The following IL4I1 variants were observed in gnomAD, a reference collection of about 807,000 sequenced individuals.
IL4I1 encodes L-amino-acid oxidase.
In IL4I1, 24 loss-of-function variants were observed where a neutral mutation model predicts 29.7. That is an observed-to-expected ratio of 0.81 (90% confidence interval 0.59 to 1.14). IL4I1 has a LOEUF of 1.14. Among genes scored for constraint, IL4I1 ranks in the 50% most tolerant of loss-of-function variants. The pLI is 0.00. For synonymous variants in IL4I1, 371 were observed against 352.5 expected, an observed-to-expected ratio of 1.05 and a Z score of -0.59; for missense variants, 686 against 785.6, an observed-to-expected ratio of 0.87 and a Z score of 1.52.
intron 5 of IL4I1, among the ~76,000 whole-genome samples, chr19:49,892,094 T>G (rs1444518267): frequency 6.8e-6 from 1 of 147,574 alleles, no homozygotes; most frequent in African/African-American, 2.5e-5. Flanking sequence ...TTTTTTTTTT[T>G]TTTTTGAGAT....
intron 2 of IL4I1, among the ~76,000 whole-genome samples, chr19:49,910,077 C>G (rs2075424765): frequency 6.6e-6 from 1 of 152,008 alleles, no homozygotes; most frequent in Non-Finnish European, 1.5e-5. Context: ...GTACGAGGAG[C>G]CGGGGTGCTA....
intron 3 of IL4I1, among the ~76,000 whole-genome samples, chr19:49,903,824 T>C (rs1376870862): frequency 6.9e-6 from 1 of 144,684 alleles, no homozygotes; most frequent in East Asian, 2.0e-4. Context: ...CTGTTATATG[T>C]GCTGGGTTTT....
intron 2 of IL4I1, among the ~76,000 whole-genome samples, chr19:49,914,644 G>A (rs2075571454): frequency 6.7e-6 from 1 of 150,046 alleles, no homozygotes; most frequent in Non-Finnish European, 1.5e-5. Context: ...GTGAGAACCA[G>A]GGTTCTTTGC....
At chr19:49,901,719 T>C, upstream of IL4I1, 1 of 1,527,476 alleles carries the variant, frequency 6.5e-7, no homozygotes, top group East Asian at 2.5e-5. Context: ...GTTGGGCATG[T>C]GCGGAATCAA....
upstream of IL4I1, among the ~76,000 whole-genome samples, chr19:49,897,194 C>T (rs533919926): frequency 2.0e-5 from 3 of 152,334 alleles, no homozygotes; most frequent in South Asian, 2.1e-4. Flanking sequence ...TTTCTATCCT[C>T]CCCTGCACTC....
intron 2 of IL4I1, among the ~76,000 whole-genome samples, chr19:49,916,773 A>G (rs1262730201): frequency 5.9e-5 from 9 of 152,056 alleles, no homozygotes; most frequent in Non-Finnish European, 1.0e-4. Flanking sequence ...CAAAAACAAA[A>G]AAACAAAAAT....
chr19:49,901,460 T>A (rs996201728), upstream of IL4I1, among the ~76,000 whole-genome samples: 9 of 152,114 alleles, frequency 5.9e-5, no homozygotes, highest in African/African-American at 2.2e-4. Flanking sequence ...GGGGATGACC[T>A]GGGACCTGGG....
chr19:49,910,396 G>A (rs1213501210), intron 2 of IL4I1, among the ~76,000 whole-genome samples: 1 of 152,010 alleles, frequency 6.6e-6, no homozygotes, highest in Admixed American at 6.6e-5. Flanking sequence ...GTTGCTGAAG[G>A]CCCCCCAGGC....
chr19:49,890,928 T>TGGGGGGGGGGGGGGG, intron 7 of IL4I1, 43 bp downstream of exon 7: 14 of 633,148 alleles, frequency 2.2e-5, no homozygotes, highest in East Asian at 3.2e-5. Flanking sequence ...TTTCCCTGAT[T>TGGGGGGGGGGGGGGG]GCCCCCCGCC....
chr19:49,909,157 A>T, intron 2 of IL4I1: 1 of 1,613,364 alleles, frequency 6.2e-7, no homozygotes, highest in Non-Finnish European at 8.5e-7. Flanking sequence ...GGCTGGGCCC[A>T]GTGCTGGTGA....
Position 49,894,436 on chromosome 19 carries a change from G to A in IL4I1, c.399C>T (p.Leu133=), listed in dbSNP as rs762022953. The stretch of plus-strand genomic sequence containing the variant: ...CGTACTGGGTGAACTTGGTCAGGTT[G>A]AGCCCCAGGCCCTGGCAGAGCTTGT... ...ILHKLCQGLG[L]NLTKFTQYDK... is the part of the protein sequence containing the mutation. Residue 133 remains leucine, a synonymous_variant, in exon 5 of 8, where the codon CTC becomes CTT. Transcript: ENST00000391826. The A allele has an allele frequency of 1.2e-6, 2 of 1,614,174 alleles. No individual in the cohort carries two copies. Among genetic ancestry groups the A allele is most frequent in the East Asian group, 2.2e-5 (1 of 44,876 alleles).
intron 5 of IL4I1, among the ~76,000 whole-genome samples, chr19:49,892,925 G>A (rs2075158218): frequency 6.6e-6 from 1 of 152,168 alleles, no homozygotes; most frequent in Non-Finnish European, 1.5e-5. Flanking sequence ...CTTCCTGGAG[G>A]AGGGGACATT....
Position 49,894,227 on chromosome 19 carries a change from C to T in IL4I1, c.567+41G>A, listed in dbSNP as rs1187640455. The T allele has an allele frequency of 2.5e-6, 4 of 1,584,818 alleles. No homozygotes were observed. In the East Asian group the frequency reaches 9.2e-5, roughly 36 times the overall value. ...GGCCGGGGCGAGCTTAGGAGGAGGA[C>T]AGAGAAGTCAGGGCGGGAGGAGGGT... is the stretch of plus-strand genomic sequence containing the variant. On this transcript the variant is annotated intron_variant, in intron 5 of 7. Transcript: ENST00000391826.
At position 49,890,209 on chromosome 19, in the gene IL4I1, G is replaced by T; in HGVS notation, c.1165C>A (p.Arg389Ser). 6.5e-7 allele frequency: 1 copy of T among 1,548,656 alleles called. No homozygotes were observed. The change falls in exon 8 of 8, where the codon CGC becomes AGC. Residue 389 changes from arginine to serine, a missense_variant. Coordinates refer to ENST00000391826, the MANE Select transcript of IL4I1 (RefSeq NM_152899.2). ...PSRMIFYPPP[R>S]EGALLLASYT... ...GAGGCCAGCAGCAGCGCGCCCTCGC[G>T]CGGCGGCGGGTAGAAAATCATGCGC...
At position 49,890,079 on chromosome 19, in the gene IL4I1, C is replaced by G; in HGVS notation, c.1295G>C (p.Arg432Pro). The G allele has an allele frequency of 6.5e-7, 1 of 1,548,044 alleles. No individual in the cohort carries two copies. Among genetic ancestry groups the G allele is most frequent in the Non-Finnish European group, 8.7e-7 (1 of 1,146,882 alleles). ...GACGCCGGTGCCGTCCCAGAGCTGG[C>G]GCACGACAGGCCCGTGCAATGCCGC... is the stretch of plus-strand genomic sequence containing the variant. ...DVAALHGPVV[R>P]QLWDGTGVVK... The change falls in exon 8 of 8, where the codon CGC becomes CCC. Residue 432 changes from arginine to proline, a missense_variant. Coordinates refer to ENST00000391826, the MANE Select transcript of IL4I1 (RefSeq NM_152899.2).
intron 2 of IL4I1, among the ~76,000 whole-genome samples, chr19:49,924,776 C>T (rs1457757173): frequency 2.0e-5 from 3 of 152,206 alleles, no homozygotes; most frequent in Non-Finnish European, 4.4e-5. Context: ...AGGGTGCCAA[C>T]TGGCACCCAC....
At chr19:49,913,170 A>G (rs1485644539) in intron 2 of IL4I1, 2 of 152,434 alleles carry the variant, frequency 1.3e-5, no homozygotes, top group Non-Finnish European at 2.9e-5. Context: ...CTGTGTGAAG[A>G]CAGGGAGGCC....
At chr19:49,900,289 T>A (rs886186471), upstream of IL4I1, among the ~76,000 whole-genome samples, 4 of 152,196 alleles carry the variant, frequency 2.6e-5, no homozygotes, top group African/African-American at 7.2e-5. Context: ...GCAAGTCAGC[T>A]GGTTCAGGAT....
intron 5 of IL4I1, among the ~76,000 whole-genome samples, chr19:49,892,283 T>A (rs1219938600): frequency 6.6e-6 from 1 of 152,078 alleles, no homozygotes. Context: ...GGTTTCATCA[T>A]GTTGGTCAGG....
Sources: allele counts gnomAD v4.1 joint callset (sites outside exome capture counted in the v4.1 genomes callset), GRCh38; gene constraint gnomAD v4.1.1; transcripts MANE v1.5; gene names NCBI Gene and HGNC (gene_info 2026-07-23, HGNC 2026-07-21).